The following ZC3H6 variants were observed in gnomAD, a reference collection of about 807,000 sequenced individuals.
ZC3H6 encodes the protein zinc finger CCCH-type containing 6, also known as zinc finger CCCH domain-containing protein 6.
A neutral mutation model predicts 107.7 loss-of-function variants in ZC3H6; 40 were observed. The observed-to-expected ratio is 0.37, with a 90% CI of 0.29 to 0.48. The LOEUF (loss-of-function observed/expected upper bound fraction) is 0.48, where lower values mean the gene tolerates loss of function less well. Among genes scored for constraint, ZC3H6 ranks in the 20% least tolerant of loss-of-function variants. The probability of loss-of-function intolerance (pLI) is 0.98; values close to 1 mark genes in which losing one functional copy is unlikely to be tolerated. For missense variants in ZC3H6, 1,267 were observed against 1,410.4 expected (o/e 0.90, Z 1.63); for synonymous variants, 493 against 487.9 (o/e 1.01, Z -0.14).
intron 1 of ZC3H6, among the ~76,000 whole-genome samples, chr2:112,296,697 GGT>G (rs1235938393): frequency 1.1e-4 from 17 of 152,038 alleles, no homozygotes; most frequent in African/African-American, 4.1e-4. Flanking sequence ...GCCACTTTAG[GGT>G]CGTATCATAT....
intron 1 of ZC3H6, among the ~76,000 whole-genome samples, chr2:112,284,643 T>C (rs1686576577): frequency 6.6e-6 from 1 of 151,812 alleles, no homozygotes; most frequent in Non-Finnish European, 1.5e-5. Context: ...CCACTGAAGT[T>C]AGTGGAATAC....
chr2:112,303,143 C>A, intron 2 of ZC3H6, 86 bp from the exon 3 acceptor site: 1 of 1,494,818 alleles, frequency 6.7e-7, no homozygotes, highest in Non-Finnish European at 9.0e-7. Context: ...TGGTTGGTAC[C>A]TCTGGCTGAA....
At chr2:112,314,466 T>G (rs1381842442) in intron 5 of ZC3H6, among the ~76,000 whole-genome samples, 9 of 152,082 alleles carry the variant, frequency 5.9e-5, no homozygotes, top group Non-Finnish European at 8.8e-5. Flanking sequence ...CTCACCACAA[T>G]CCTCTATTAA....
intron 1 of ZC3H6, among the ~76,000 whole-genome samples, chr2:112,290,902 T>C (rs1258154981): frequency 6.6e-6 from 1 of 152,266 alleles, no homozygotes; most frequent in Non-Finnish European, 1.5e-5. Context: ...ATGGACACTC[T>C]TGAGGACAGT....
chr2:112,336,615 T>G lies in ZC3H6; in HGVS notation c.*4127T>G, dbSNP rs536277368. ...AATGCCTTCTCCCCAAGCAGTTTCA[T>G]GTGGTTTGCAGAAAGTTTTGGCAGC... On this transcript the variant is annotated 3_prime_UTR_variant, in exon 12 of 12. Transcript: ENST00000409871. 2.0e-5 allele frequency: 3 copies of G among 152,290 alleles called. No individual in the cohort carries two copies. Among genetic ancestry groups the G allele is most frequent in the Admixed American group, 2.0e-4 (3 of 15,290 alleles). 9.4% of individuals were successfully genotyped at this position (152,290 alleles called of 1,614,324 possible).
intron 7 of ZC3H6, among the ~76,000 whole-genome samples, chr2:112,319,792 A>G (rs1398640639): frequency 1.3e-5 from 2 of 152,146 alleles, no homozygotes; most frequent in Non-Finnish European, 2.9e-5. Flanking sequence ...ATGGTTAATG[A>G]CCTTCAAACA....
intron 11 of ZC3H6, among the ~76,000 whole-genome samples, chr2:112,327,024 T>TG (rs1450255087): frequency 6.6e-6 from 1 of 152,244 alleles, no homozygotes. Flanking sequence ...TCCTGTCTTT[T>TG]GGGTATATAC....
Position 112,332,274 on chromosome 2 carries a change from G to A in ZC3H6, c.3356G>A (p.Arg1119Lys). ...GCTGACCCACAGGCGGACGTTCCCA[G>A]GAGTTCTGGTAAGGTTCAGGTCCCA... is the stretch of plus-strand genomic sequence containing the variant. Reference protein sequence around the residue: ...GPADPQADVPRSSGKVQVPAV... With the variant: ...GPADPQADVPKSSGKVQVPAV... The change falls in exon 12 of 12, where the codon AGG (arginine) becomes AAG (lysine). Residue 1119 changes from arginine (R) to lysine (K), a missense_variant. This residue lies in a region of ZC3H6 where 925 missense variants were observed against 1,025.7 expected (regional missense o/e 0.90). Transcript: ENST00000409871. The A allele has an allele frequency of 1.9e-6, 3 of 1,613,890 alleles. No individual in the cohort carries two copies. The highest frequency in any genetic ancestry group is 1.6e-4 in the Middle Eastern group (1 of 6,062).
In ZC3H6 at chr2:112,331,160, G is replaced by A; in HGVS notation, c.2242G>A (p.Glu748Lys). The A allele has an allele frequency of 6.2e-7, 1 of 1,613,704 alleles. No homozygotes were observed. The highest frequency in any genetic ancestry group is 1.1e-5 in the South Asian group (1 of 91,046). ...STPTDPRLAK[E>K]KSKGNQVVDP... ...TCCTACTGATCCAAGACTTGCTAAA[G>A]AGAAAAGTAAAGGAAACCAAGTGGT... is the stretch of plus-strand genomic sequence containing the variant. The change falls in exon 12 of 12, where the codon GAG becomes AAG. Residue 748 changes from glutamate (E) to lysine (K), a missense_variant. This residue lies in a region of ZC3H6 where 925 missense variants were observed against 1,025.7 expected (regional missense o/e 0.90). Coordinates refer to ENST00000409871, the MANE Select transcript of ZC3H6 (RefSeq NM_198581.3).
chr2:112,326,747 G>A (rs1199429894), intron 11 of ZC3H6, among the ~76,000 whole-genome samples: 2 of 152,114 alleles, frequency 1.3e-5, no homozygotes, highest in East Asian at 1.9e-4. Flanking sequence ...CGAGTAGCTG[G>A]GATTACAGGT....
intron 9 of ZC3H6, among the ~76,000 whole-genome samples, chr2:112,323,705 A>C (rs1676847881): frequency 6.6e-6 from 1 of 152,244 alleles, no homozygotes; most frequent in Non-Finnish European, 1.5e-5. Context: ...GAAGAGCAAC[A>C]TTCAAAAACT....
intron 1 of ZC3H6, among the ~76,000 whole-genome samples, chr2:112,284,584 C>T (rs1686575708): frequency 6.6e-6 from 1 of 150,814 alleles, no homozygotes; most frequent in Non-Finnish European, 1.5e-5. Flanking sequence ...CTAGATTGTT[C>T]CTATGATTGC....
In ZC3H6 at chr2:112,332,245, G is replaced by T; in HGVS notation, c.3327G>T (p.Gly1109=). ...CAAACGTGGGAGTCACTCTTGAGGG[G>T]CCAGCTGACCCACAGGCGGACGTTC... ...PSPNVGVTLE[G]PADPQADVPR... The change falls in exon 12 of 12, where the codon GGG becomes GGT. Residue 1109 remains glycine, a synonymous_variant. Transcript: ENST00000409871. 1.2e-6 allele frequency: 2 copies of T among 1,613,952 alleles called. No homozygotes were observed. The highest frequency in any genetic ancestry group is 1.7e-6 in the Non-Finnish European group (2 of 1,179,878).
chr2:112,299,817 G>A (rs1026051728), intron 1 of ZC3H6, 32 bp from the exon 2 acceptor site: 1 of 1,325,590 alleles, frequency 7.5e-7, no homozygotes, highest in East Asian at 2.9e-5. Context: ...GTTTTAGAAT[G>A]ATATTTGAAA....
At position 112,275,980 on chromosome 2, in the gene ZC3H6, C is replaced by T. The variant is rs1365088032; in HGVS notation, c.-15C>T. 7.8e-6 allele frequency: 12 copies of T among 1,534,622 alleles called. No individual in the cohort carries two copies. Among genetic ancestry groups the T allele is most frequent in the African/African-American group, 1.4e-5 (1 of 70,488 alleles). Reference sequence around the variant, plus strand: ...GCAGACCTGCCCTCCAGCCCCGCCCCGTTCTTGACCAAACATGACAGACTC... The same window carrying T: ...GCAGACCTGCCCTCCAGCCCCGCCCTGTTCTTGACCAAACATGACAGACTC... On this transcript the variant is annotated 5_prime_UTR_variant, in exon 1 of 12. Coordinates refer to ENST00000409871, the MANE Select transcript of ZC3H6 (RefSeq NM_198581.3).
At chr2:112,323,497 AATGTCAGGAAGATAAGT>A (rs1284443101) in intron 9 of ZC3H6, among the ~76,000 whole-genome samples, 2 of 152,200 alleles carry the variant, frequency 1.3e-5, no homozygotes, top group Non-Finnish European at 2.9e-5. Flanking sequence ...TATTTCTACT[AATGTCAGGAAGATAAGT>A]ATGTCCACTA....
intron 1 of ZC3H6, among the ~76,000 whole-genome samples, chr2:112,286,864 G>A (rs1686619805): frequency 6.6e-6 from 1 of 152,120 alleles, no homozygotes; most frequent in Admixed American, 6.5e-5. Context: ...GCATACTTTG[G>A]CTGAATACTT....
chr2:112,303,552 G>GC (rs1460322651), intron 3 of ZC3H6, among the ~76,000 whole-genome samples: 1 of 151,928 alleles, frequency 6.6e-6, no homozygotes, highest in East Asian at 1.9e-4. Flanking sequence ...GTTTTCCCCT[G>GC]CCCCCAGCCC....
chr2:112,316,078 C>A (rs891089211), intron 5 of ZC3H6, among the ~76,000 whole-genome samples: 5 of 152,076 alleles, frequency 3.3e-5, no homozygotes, highest in Non-Finnish European at 5.9e-5. Flanking sequence ...ATAATTCTTT[C>A]AAAATAATCC....
Sources: gnomAD v4.1 joint callset for allele counts (sites outside exome capture counted in the v4.1 genomes callset) on GRCh38, gnomAD v4.1.1 for gene constraint, gnomAD v4.1.1 regional missense constraint, MANE v1.5 for transcripts, NCBI Gene and HGNC (gene_info 2026-07-23, HGNC 2026-07-21) for gene names.